CORIN: variants seen among roughly 807,000 people sequenced by gnomAD.
The protein encoded by CORIN is corin, serine peptidase.
A neutral mutation model predicts 125.3 loss-of-function variants in CORIN; 117 were observed. That is an observed-to-expected ratio of 0.93 (90% CI 0.80 to 1.09). The LOEUF (loss-of-function observed/expected upper bound fraction) is 1.09, where lower values mean the gene tolerates loss of function less well. Ranked by LOEUF, CORIN falls within the 50% of genes least tolerant of loss-of-function variation. CORIN has a pLI of 0.00. For synonymous variants in CORIN, 450 were observed against 466.4 expected (o/e 0.96, Z 0.45); for missense variants, 1,253 against 1,306.7 (o/e 0.96, Z 0.63).
intron 6 of CORIN, among the ~76,000 whole-genome samples, chr4:47,688,168 T>A (rs758685077): frequency 1.3e-5 from 2 of 152,192 alleles, no homozygotes; most frequent in Non-Finnish European, 2.9e-5. Context: ...ATCTTTTCCA[T>A]CAGCTGTCTA....
intron 19 of CORIN, among the ~76,000 whole-genome samples, chr4:47,623,096 C>CTCTCTCTCTATA (rs771867590): frequency 0.01 from 1,040 of 102,152 alleles, 6 homozygotes; most frequent in East Asian, 0.019. Flanking sequence ...CTCTCTCTCT[C>CTCTCTCTCTATA]TATATATATA....
chr4:47,680,212 C>T lies in CORIN; in HGVS notation c.1061G>A (p.Arg354His), dbSNP rs147781342. 2.6e-5 allele frequency: 42 copies of T among 1,613,904 alleles called. No individual in the cohort carries two copies. Among genetic ancestry groups the T allele is most frequent in the African/African-American group, 1.7e-4 (13 of 74,932 alleles). Residue 354 changes from arginine (R) to histidine (H), a missense_variant, in exon 8 of 22, where the codon CGC (arginine) becomes CAC (histidine). By Grantham distance (29) the Arg-to-His change is conservative (BLOSUM62 0). Coordinates refer to ENST00000273857, the MANE Select transcript of CORIN (RefSeq NM_006587.4). The stretch of plus-strand genomic sequence containing the variant: ...ACACACCCACTCCATGGCGATGCAG[C>T]GCCCGTCCCCGCAGCGATGCTCTGT... Reference protein sequence around the residue: ...PTTEHRCGDGRCIAMEWVCDG... With the variant: ...PTTEHRCGDGHCIAMEWVCDG...
intron 3 of CORIN, among the ~76,000 whole-genome samples, chr4:47,777,952 A>G (rs571073134): frequency 5.8e-4 from 89 of 152,226 alleles, no homozygotes; most frequent in Non-Finnish European, 1.2e-3. Context: ...TACAGTGCCA[A>G]TTTTCTTTCA....
chr4:47,661,425 C>G lies in CORIN; in HGVS notation c.1735+286G>C, dbSNP rs185592661. Reference sequence around the variant, plus strand: ...ATTATTATGCACTGTATGCCTGTATCAAAATATTTTAGGTACCCCATACAT... The same window carrying G: ...ATTATTATGCACTGTATGCCTGTATGAAAATATTTTAGGTACCCCATACAT... On this transcript the variant is annotated intron_variant, in intron 12 of 21. Coordinates refer to ENST00000273857, the MANE Select transcript of CORIN (RefSeq NM_006587.4). 3.5e-3 allele frequency: 943 copies of G among 270,382 alleles called. 8 individuals are homozygous for G. The highest frequency in any genetic ancestry group is 0.017 in the South Asian group (176 of 10,574). 16.7% of individuals were successfully genotyped at this position (270,382 alleles called of 1,614,324 possible).
chr4:47,801,761 C>T lies in CORIN; in HGVS notation c.208+5142G>A, dbSNP rs552034375. Among the ~76,000 whole-genome samples the T allele has an allele frequency of 1.6e-3, 241 of 152,316 alleles. 2 individuals are homozygous for T. The highest frequency in any genetic ancestry group is 5.4e-3 in the African/African-American group (226 of 41,582). ...CCAGTGGTGAGAGCTTGAGTTCCAG[C>T]GAGCCTCACCACTGCAGGCTGGAAT... On this transcript the variant is annotated intron_variant, in intron 2 of 21. Coordinates refer to ENST00000273857, the MANE Select transcript of CORIN (RefSeq NM_006587.4).
intron 15 of CORIN, chr4:47,642,759 G>C (rs1282691369): frequency 8.9e-7 from 1 of 1,127,148 alleles, no homozygotes; most frequent in East Asian, 2.6e-5. Context: ...GACCTGAAGA[G>C]TGTAGGGAAG....
chr4:47,640,408 C>T (rs1278401491), intron 16 of CORIN, among the ~76,000 whole-genome samples: 1 of 152,106 alleles, frequency 6.6e-6, no homozygotes. Context: ...TGTATATTTC[C>T]ATTTATATTG....
chr4:47,653,757 G>A, intron 12 of CORIN, 97 bp from the exon 13 acceptor site: 1 of 1,046,548 alleles, frequency 9.6e-7, no homozygotes, highest in South Asian at 1.5e-5. Flanking sequence ...AGCTTTTACT[G>A]AAGATAAGGG....
chr4:47,675,534 T>C (rs1172483701), intron 9 of CORIN, among the ~76,000 whole-genome samples: 1 of 152,238 alleles, frequency 6.6e-6, no homozygotes, highest in East Asian at 1.9e-4. Context: ...GGAGGTTTTA[T>C]TGACATCATG....
At chr4:47,805,135 C>CAAAAAA (rs755747242) in intron 2 of CORIN, among the ~76,000 whole-genome samples, 5 of 129,400 alleles carry the variant, frequency 3.9e-5, no homozygotes, top group Non-Finnish European at 8.1e-5. Flanking sequence ...GACTCCATCT[C>CAAAAAA]AAAAAAAAAA....
intron 12 of CORIN, among the ~76,000 whole-genome samples, chr4:47,655,434 G>C (rs1577789191): frequency 6.6e-6 from 1 of 152,014 alleles, no homozygotes; most frequent in East Asian, 1.9e-4. Flanking sequence ...CTGAGTCAGA[G>C]GGGAGCCCCC....
chr4:47,631,437 G>A (rs1359773396), intron 16 of CORIN, among the ~76,000 whole-genome samples: 2 of 151,890 alleles, frequency 1.3e-5, no homozygotes, highest in Non-Finnish European at 1.5e-5. Context: ...CGCATGCAAG[G>A]GATCTGGGTT....
At chr4:47,762,963 T>C (rs1729536176) in intron 4 of CORIN, among the ~76,000 whole-genome samples, 1 of 152,172 alleles carries the variant, frequency 6.6e-6, no homozygotes, top group Admixed American at 6.5e-5. Context: ...CTACTGGCCA[T>C]TATTCCCCTT....
chr4:47,828,489 T>C (rs1257481947), intron 1 of CORIN, among the ~76,000 whole-genome samples: 3 of 152,194 alleles, frequency 2.0e-5, no homozygotes, highest in Admixed American at 2.0e-4. Flanking sequence ...AGTTTCTGAA[T>C]TGGTGAACAC....
intron 5 of CORIN, among the ~76,000 whole-genome samples, chr4:47,713,211 A>T (rs1274173321): frequency 6.6e-6 from 1 of 152,218 alleles, no homozygotes; most frequent in Non-Finnish European, 1.5e-5. Context: ...AAGAAGTCAG[A>T]TTGTTAATTG....
At chr4:47,694,833 C>T (rs904780913) in intron 5 of CORIN, among the ~76,000 whole-genome samples, 1 of 151,976 alleles carries the variant, frequency 6.6e-6, no homozygotes, top group African/African-American at 2.4e-5. Flanking sequence ...CCTAATAGAA[C>T]AATATATTGC....
chr4:47,732,210 G>A (rs1199362044), intron 5 of CORIN, among the ~76,000 whole-genome samples: 2 of 152,164 alleles, frequency 1.3e-5, no homozygotes, highest in Non-Finnish European at 2.9e-5. Flanking sequence ...AAAGGAAGGA[G>A]ACTAGAGGGT....
At chr4:47,779,922 C>T (rs1730466020) in intron 3 of CORIN, among the ~76,000 whole-genome samples, 1 of 152,190 alleles carries the variant, frequency 6.6e-6, no homozygotes, top group South Asian at 2.1e-4. Flanking sequence ...AAATAAATCA[C>T]TGCAATTTAG....
In CORIN at chr4:47,811,955, G is replaced by A. The variant is rs1732082097; in HGVS notation, c.64-4908C>T. ...AAAAAGTATGTGAGCCCCTGATGTA[G>A]TGTATCAGTGTATATCTGCATATAT... On this transcript the variant is annotated intron_variant, in intron 1 of 21. Transcript: ENST00000273857. 3.9e-5 allele frequency among the ~76,000 whole-genome samples: 6 copies of A among 152,154 alleles called. No homozygotes were observed. The South Asian group carries it at 1.2e-3, about 32-fold the overall frequency.
Sources: gnomAD v4.1 joint callset for allele counts (sites outside exome capture counted in the v4.1 genomes callset) on GRCh38, gnomAD v4.1.1 for gene constraint, MANE v1.5 for transcripts, NCBI Gene and HGNC (gene_info 2026-07-23, HGNC 2026-07-21) for gene names.